The following GPC5 variants were observed in gnomAD, a reference collection of about 807,000 sequenced individuals.
GPC5 encodes the protein glypican-5.
Under a neutral mutation model 53.9 loss-of-function variants are expected in GPC5, and 47 were observed. That is an observed-to-expected ratio of 0.87 (90% CI 0.69 to 1.11). The LOEUF (loss-of-function observed/expected upper bound fraction) is 1.11. Ranked by LOEUF, GPC5 falls within the 50% of genes most tolerant of loss-of-function variation. The pLI is 0.00. For synonymous variants in GPC5, 286 were observed against 263.3 expected, an observed-to-expected ratio of 1.09 and a Z score of -0.84; for missense variants, 748 against 713.1, an observed-to-expected ratio of 1.05 and a Z score of -0.56.
chr13:92,534,431 A>G (rs977880692), intron 7 of GPC5, among the ~76,000 whole-genome samples: 2 of 152,240 alleles, frequency 1.3e-5, no homozygotes, highest in Non-Finnish European at 2.9e-5. Context: ...GGTTGATGGC[A>G]TGTAATCATG....
intron 7 of GPC5, among the ~76,000 whole-genome samples, chr13:92,399,313 T>A (rs1041018732): frequency 6.6e-6 from 1 of 152,192 alleles, no homozygotes; most frequent in Non-Finnish European, 1.5e-5. Context: ...AGTATAATAC[T>A]AGAGACCATT....
chr13:92,461,740 C>A (rs919163131), intron 7 of GPC5, among the ~76,000 whole-genome samples: 1 of 152,194 alleles, frequency 6.6e-6, no homozygotes, highest in Non-Finnish European at 1.5e-5. Context: ...ATGATGCCAA[C>A]TTACAAACTA....
At chr13:92,353,013 C>A (rs1168876581) in intron 7 of GPC5, among the ~76,000 whole-genome samples, 1 of 151,974 alleles carries the variant, frequency 6.6e-6, no homozygotes, top group Non-Finnish European at 1.5e-5. Flanking sequence ...GTAATCCCAG[C>A]ACTTTGGGAG....
intron 7 of GPC5, chr13:92,447,365 A>G (rs890162284): frequency 1.3e-5 from 2 of 152,136 alleles, no homozygotes; most frequent in Non-Finnish European, 2.9e-5. Flanking sequence ...GATGCAAGAT[A>G]TGCACATTTA....
chr13:92,730,734 A>C (rs563782015), intron 7 of GPC5, among the ~76,000 whole-genome samples: 1 of 151,310 alleles, frequency 6.6e-6, no homozygotes, highest in Non-Finnish European at 1.5e-5. Flanking sequence ...TAGAGCAGAG[A>C]AAAGACTGCA....
At chr13:92,245,188 C>T (rs1269210935) in intron 7 of GPC5, among the ~76,000 whole-genome samples, 1 of 152,094 alleles carries the variant, frequency 6.6e-6, no homozygotes, top group Non-Finnish European at 1.5e-5. Flanking sequence ...AGCTTACTGT[C>T]CTCTCTTTAT....
intron 6 of GPC5, among the ~76,000 whole-genome samples, chr13:92,014,975 G>A (rs2040694311): frequency 6.6e-6 from 1 of 151,948 alleles, no homozygotes; most frequent in Non-Finnish European, 1.5e-5. Context: ...TGTATATTTG[G>A]GCAAGGGATC....
At chr13:91,921,018 A>G (rs1246300956) in intron 6 of GPC5, among the ~76,000 whole-genome samples, 1 of 132,140 alleles carries the variant, frequency 7.6e-6, no homozygotes, top group Non-Finnish European at 1.5e-5. Context: ...ACTCTCTGCA[A>G]CTCTGTCTCC....
intron 7 of GPC5, among the ~76,000 whole-genome samples, chr13:92,642,469 T>G (rs1052119424): frequency 1.1e-4 from 17 of 152,186 alleles, no homozygotes; most frequent in African/African-American, 4.1e-4. Flanking sequence ...GGTAGTCCAT[T>G]GGTGTCTCAA....
At chr13:92,363,437 C>T (rs1041470675) in intron 7 of GPC5, among the ~76,000 whole-genome samples, 9 of 151,620 alleles carry the variant, frequency 5.9e-5, no homozygotes, top group African/African-American at 2.0e-4. Context: ...CACCTCAGAT[C>T]GTCAGGCATT....
At chr13:92,328,190 A>G (rs1305091645) in intron 7 of GPC5, among the ~76,000 whole-genome samples, 2 of 152,196 alleles carry the variant, frequency 1.3e-5, no homozygotes, top group African/African-American at 4.8e-5. Context: ...TGTCTGGCAC[A>G]TCACAATAGA....
chr13:92,129,987 G>A (rs1168143246), intron 6 of GPC5, among the ~76,000 whole-genome samples: 1 of 151,916 alleles, frequency 6.6e-6, no homozygotes, highest in Non-Finnish European at 1.5e-5. Flanking sequence ...AAAACCTAAG[G>A]AACATAATAC....
chr13:92,329,669 A>G (rs716623), intron 7 of GPC5, among the ~76,000 whole-genome samples: 61,648 of 152,060 alleles, frequency 0.41, 12,643 homozygotes, highest in Middle Eastern at 0.51. Flanking sequence ...GGGAATTGCC[A>G]TTCTTCCCTC....
intron 7 of GPC5, among the ~76,000 whole-genome samples, chr13:92,541,817 A>G (rs1259176532): frequency 1.3e-5 from 2 of 152,026 alleles, no homozygotes; most frequent in Non-Finnish European, 2.9e-5. Context: ...TTAGAAATCA[A>G]GTTTCATTTT....
At chr13:92,730,475 A>G (rs1012123096) in intron 7 of GPC5, among the ~76,000 whole-genome samples, 4 of 151,004 alleles carry the variant, frequency 2.6e-5, no homozygotes, top group African/African-American at 9.7e-5. Flanking sequence ...GCTCATCTAG[A>G]TTTTTTTCCT....
At chr13:91,960,412 A>T (rs1393349635) in intron 6 of GPC5, among the ~76,000 whole-genome samples, 2 of 152,140 alleles carry the variant, frequency 1.3e-5, no homozygotes, top group African/African-American at 4.8e-5. Flanking sequence ...AAACACTGAT[A>T]AAGGAAACTA....
chr13:92,859,233 A>T (rs2138853405), intron 7 of GPC5, among the ~76,000 whole-genome samples: 1 of 152,324 alleles, frequency 6.6e-6, no homozygotes, highest in South Asian at 2.1e-4. Context: ...TGGGCAACAT[A>T]GAAAGACCCT....
chr13:92,247,209 AC>A (rs1293298720), intron 7 of GPC5, among the ~76,000 whole-genome samples: 2 of 152,180 alleles, frequency 1.3e-5, no homozygotes, highest in Admixed American at 1.3e-4. Context: ...AATGTTAAAT[AC>A]CTTTCAGCTT....
chr13:92,306,750 TTCA>T (rs1440738496), intron 7 of GPC5, among the ~76,000 whole-genome samples: 2 of 152,212 alleles, frequency 1.3e-5, no homozygotes, highest in Non-Finnish European at 2.9e-5. Context: ...TAGCATTTAG[TTCA>T]TCAGTTACTG....
Sources: allele counts gnomAD v4.1 joint callset (sites outside exome capture counted in the v4.1 genomes callset), GRCh38; gene constraint gnomAD v4.1.1; transcripts MANE v1.5; gene names NCBI Gene and HGNC (gene_info 2026-07-23, HGNC 2026-07-21).